ACTR3B: variants seen among roughly 807,000 people sequenced by gnomAD.
The protein encoded by ACTR3B is actin-related protein 3B.
A neutral mutation model predicts 59.0 loss-of-function variants in ACTR3B; 8 were observed. The observed-to-expected ratio is 0.14, with a 90% confidence interval of 0.08 to 0.24. The LOEUF (loss-of-function observed/expected upper bound fraction) is 0.24. Ranked by LOEUF, ACTR3B falls within the 10% of genes least tolerant of loss-of-function variation. The pLI, the probability that ACTR3B is intolerant of heterozygous loss-of-function variation, is 1.00. For missense variants in ACTR3B, 245 were observed against 552.3 expected (o/e 0.44, Z 5.58); for synonymous variants, 148 against 197.9 (o/e 0.75, Z 2.12).
In ACTR3B at chr7:152,812,799, T is replaced by C. The variant is rs1029581388; in HGVS notation, c.337-1751T>C. The C allele has an allele frequency of 2.8e-5, 4 of 143,116 alleles. No individual in the cohort carries two copies. The Admixed American group carries it at 2.9e-4, about 10-fold the overall frequency. 8.9% of individuals were successfully genotyped at this position (143,116 alleles called of 1,614,324 possible). A position where few individuals can be genotyped will look rare whatever the true frequency, so the allele number is the denominator to read the frequency against. On this transcript the variant is annotated intron_variant, in intron 4 of 11. Transcript: ENST00000256001. The stretch of plus-strand genomic sequence containing the variant: ...AGCCGTGTTGAAGGCTGAGGCTGAT[T>C]GTACTTTCCCTGTCGTAGGGGTGTA...
intron 1 of ACTR3B, among the ~76,000 whole-genome samples, chr7:152,773,784 T>C (rs1188706505): frequency 6.6e-6 from 1 of 152,230 alleles, no homozygotes; most frequent in Non-Finnish European, 1.5e-5. Context: ...GCAGAGAACC[T>C]TTGCTTTACA....
At chr7:152,810,756 AC>A (rs1489404062) in intron 4 of ACTR3B, 3 of 151,828 alleles carry the variant, frequency 2.0e-5, no homozygotes, top group Non-Finnish European at 4.4e-5. Context: ...ACAAAACTTA[AC>A]TGAGCGTGAT....
intron 2 of ACTR3B, among the ~76,000 whole-genome samples, chr7:152,785,572 C>T (rs529406903): frequency 6.3e-5 from 9 of 142,978 alleles, no homozygotes; most frequent in African/African-American, 1.3e-4. Context: ...AGAAGATGTT[C>T]GGGCAGAAGT....
intron 4 of ACTR3B, among the ~76,000 whole-genome samples, chr7:152,804,404 G>A (rs1251452041): frequency 2.6e-5 from 4 of 152,176 alleles, no homozygotes; most frequent in East Asian, 1.9e-4. Context: ...TTAGGGTGAC[G>A]AGAGCGGGGG....
At chr7:152,785,040 T>C (rs1159249588) in intron 2 of ACTR3B, among the ~76,000 whole-genome samples, 1 of 152,074 alleles carries the variant, frequency 6.6e-6, no homozygotes, top group Non-Finnish European at 1.5e-5. Context: ...GCTGAGTTGA[T>C]AAATTGAACT....
intron 9 of ACTR3B, among the ~76,000 whole-genome samples, chr7:152,839,342 C>T (rs543774066): frequency 1.2e-4 from 17 of 139,386 alleles, no homozygotes; most frequent in East Asian, 4.3e-4. Flanking sequence ...GTGGATGCCA[C>T]GTGACCGAGA....
chr7:152,799,171 T>C (rs997122777), intron 2 of ACTR3B, among the ~76,000 whole-genome samples: 4 of 152,208 alleles, frequency 2.6e-5, no homozygotes, highest in African/African-American at 9.6e-5. Flanking sequence ...CAGAAATACA[T>C]TAAGGACAGT....
chr7:152,833,315 G>C (rs560079723), intron 9 of ACTR3B, among the ~76,000 whole-genome samples: 2 of 152,364 alleles, frequency 1.3e-5, no homozygotes, highest in East Asian at 3.9e-4. Context: ...GACACCGTTG[G>C]GTATCATAAC....
At position 152,829,067 on chromosome 7, in the gene ACTR3B, C is replaced by A. The variant is rs181642144; in HGVS notation, c.951+3945C>A. Among the ~76,000 whole-genome samples, 18 of 145,170 alleles carry A rather than the reference C, an allele frequency of 1.2e-4. No individual in the cohort carries two copies. The East Asian group carries it at 3.3e-3, about 27-fold the overall frequency. ...GTGTATATATATATATACACACACA[C>A]ACACACATCAAGAGCAGGAAAATTG... On this transcript the variant is annotated intron_variant, in intron 9 of 11. Coordinates refer to ENST00000256001, the MANE Select transcript of ACTR3B (RefSeq NM_020445.6).
At chr7:152,813,125 C>T (rs939587106) in intron 4 of ACTR3B, 1 of 93,918 alleles carries the variant, frequency 1.1e-5, no homozygotes, top group African/African-American at 4.1e-5. Context: ...ATTAGGGCCC[C>T]ACCCCTATGA....
chr7:152,774,689 GA>G (rs917304102), intron 1 of ACTR3B, among the ~76,000 whole-genome samples: 2 of 152,006 alleles, frequency 1.3e-5, no homozygotes, highest in Admixed American at 1.3e-4. Context: ...TACTCAGAAG[GA>G]GAAATAGAAA....
chr7:152,808,335 C>CA (rs2098258845), intron 4 of ACTR3B, among the ~76,000 whole-genome samples: 1 of 151,150 alleles, frequency 6.6e-6, no homozygotes, highest in South Asian at 2.1e-4. Context: ...TAGTTTTACT[C>CA]AGTTAATTTT....
intron 9 of ACTR3B, among the ~76,000 whole-genome samples, chr7:152,830,670 C>T (rs1454550512): frequency 6.6e-6 from 1 of 152,048 alleles, no homozygotes; most frequent in African/African-American, 2.4e-5. Context: ...CACCTCAGCC[C>T]CTCAAGTAGC....
chr7:152,820,219 G>C, intron 6 of ACTR3B, 80 bp from the exon 7 acceptor site: 16 of 1,570,408 alleles, frequency 1.0e-5, no homozygotes, highest in African/African-American at 2.7e-5. Flanking sequence ...GGGAGGCTGA[G>C]GCAGGAAACC....
In ACTR3B at chr7:152,854,079, G is replaced by C. The variant is rs1297619936; in HGVS notation, c.1162-379G>C. On this transcript the variant is annotated intron_variant, in intron 11 of 11. Transcript: ENST00000256001. This position sits in a 1 kb window ranked among gnomAD's most constrained non-coding sequence, Gnocchi z 4.9. ...CACAACACATTTATCACGTGTCCTT[G>C]CTAATTAGGGGTTACAGAAAACATG... Among the ~76,000 whole-genome samples the C allele has an allele frequency of 1.3e-5, 2 of 152,100 alleles. No individual in the cohort carries two copies. Among genetic ancestry groups the C allele is most frequent in the Admixed American group, 1.3e-4 (2 of 15,276 alleles).
chr7:152,779,467 C>A (rs955907978), intron 1 of ACTR3B, among the ~76,000 whole-genome samples: 1 of 152,184 alleles, frequency 6.6e-6, no homozygotes, highest in South Asian at 2.1e-4. Context: ...CATGTCCACC[C>A]GCCTCCCCTA....
chr7:152,825,426 C>T (rs1796492366), intron 9 of ACTR3B, among the ~76,000 whole-genome samples: 1 of 152,164 alleles, frequency 6.6e-6, no homozygotes, highest in African/African-American at 2.4e-5. Flanking sequence ...ATTCTCCTGC[C>T]TCAGCCTCCT....
chr7:152,826,284 G>A (rs545327174), intron 9 of ACTR3B, among the ~76,000 whole-genome samples: 185 of 152,148 alleles, frequency 1.2e-3, no homozygotes, highest in Non-Finnish European at 2.1e-3. Flanking sequence ...AAAATATATA[G>A]TTTGCGTATT....
chr7:152,843,991 A>G (rs1798069826), intron 9 of ACTR3B, among the ~76,000 whole-genome samples: 2 of 152,340 alleles, frequency 1.3e-5, no homozygotes, highest in Non-Finnish European at 1.5e-5. Flanking sequence ...TCTACCAGAA[A>G]TGTTAACAGT....
Sources: allele counts gnomAD v4.1 joint callset (sites outside exome capture counted in the v4.1 genomes callset), GRCh38; gene constraint gnomAD v4.1.1; non-coding constraint Gnocchi (gnomAD v3.1); transcripts MANE v1.5; gene names NCBI Gene and HGNC (gene_info 2026-07-23, HGNC 2026-07-21).